The following DNAJC12 variants were observed in gnomAD, a reference collection of about 807,000 sequenced individuals.
DNAJC12 encodes the protein dnaJ homolog subfamily C member 12.
A neutral mutation model predicts 28.5 loss-of-function variants in DNAJC12; 25 were observed. That is an observed-to-expected ratio of 0.88 (90% CI 0.64 to 1.22). The LOEUF (loss-of-function observed/expected upper bound fraction) is 1.22, where lower values mean the gene tolerates loss of function less well. Ranked by LOEUF, DNAJC12 falls within the 50% of genes most tolerant of loss-of-function variation. The pLI is 0.00. For missense variants in DNAJC12, 222 were observed against 231.7 expected, an observed-to-expected ratio of 0.96 and a Z score of 0.27; for synonymous variants, 77 against 80.6, an observed-to-expected ratio of 0.95 and a Z score of 0.24.
chr10:67,809,217 C>G (rs1480918258), intron 3 of DNAJC12, among the ~76,000 whole-genome samples: 2 of 152,042 alleles, frequency 1.3e-5, no homozygotes, highest in Admixed American at 1.3e-4. Flanking sequence ...CTTCTTTTTC[C>G]CATAGGCATC....
intron 2 of DNAJC12, among the ~76,000 whole-genome samples, chr10:67,821,516 CA>C (rs893399107): frequency 6.0e-5 from 9 of 149,020 alleles, no homozygotes; most frequent in East Asian, 2.0e-4. Flanking sequence ...AACTCTGTCT[CA>C]AAAAAAAACA....
intron 1 of DNAJC12, among the ~76,000 whole-genome samples, chr10:67,835,316 C>A (rs770799107): frequency 3.9e-5 from 6 of 152,024 alleles, no homozygotes; most frequent in Non-Finnish European, 5.9e-5. Context: ...GGCAATCTAT[C>A]CAATACAAAT....
chr10:67,822,942 A>G (rs552948621), intron 2 of DNAJC12, among the ~76,000 whole-genome samples: 24 of 151,986 alleles, frequency 1.6e-4, no homozygotes, highest in Middle Eastern at 6.8e-3. Context: ...TTGCAGTGAG[A>G]CATGATCGCA....
chr10:67,834,100 A>C (rs1314611182), intron 1 of DNAJC12: 12 of 456,546 alleles, frequency 2.6e-5, no homozygotes, highest in Non-Finnish European at 5.4e-5. Flanking sequence ...TAAATGTATG[A>C]TGAATTTTAA....
chr10:67,817,762 C>T lies in DNAJC12; in HGVS notation c.157+5552G>A, dbSNP rs143865695. 4.0e-3 allele frequency among the ~76,000 whole-genome samples: 612 copies of T among 151,920 alleles called. 7 individuals are homozygous for T. Among genetic ancestry groups the T allele is most frequent in the African/African-American group, 0.014 (584 of 41,412 alleles). On this transcript the variant is annotated intron_variant, in intron 2 of 4. Transcript: ENST00000225171. ...GCGTGGTGGCACACACTTATAGCTC[C>T]GGCTACTCAAGAGGCTGAGGCAAGA...
chr10:67,819,846 A>T (rs1564863677), intron 2 of DNAJC12, among the ~76,000 whole-genome samples: 2 of 149,892 alleles, frequency 1.3e-5, no homozygotes, highest in Admixed American at 6.7e-5. Context: ...TATTCAAGAA[A>T]TTGTGCAGAA....
intron 4 of DNAJC12, among the ~76,000 whole-genome samples, chr10:67,798,617 G>A (rs2131785087): frequency 6.6e-6 from 1 of 152,242 alleles, no homozygotes; most frequent in African/African-American, 2.4e-5. Flanking sequence ...CAGAGGGGGA[G>A]GTTGCAGTGA....
At chr10:67,819,377 G>A (rs1011975703) in intron 2 of DNAJC12, among the ~76,000 whole-genome samples, 3 of 151,890 alleles carry the variant, frequency 2.0e-5, no homozygotes, top group African/African-American at 7.3e-5. Flanking sequence ...GGTGGCACAT[G>A]CCTGTAATCC....
Position 67,797,092 on chromosome 10 carries a change from C to T in DNAJC12, c.*24G>A, listed in dbSNP as rs1321715354. On this transcript the variant is annotated 3_prime_UTR_variant, in exon 5 of 5. Coordinates refer to ENST00000225171, the MANE Select transcript of DNAJC12 (RefSeq NM_021800.3). ...AGCATAGGGGACAGTCTTGCTCTTC[C>T]TCATTTTTTGAAGCAGAGATATTTC... is the stretch of plus-strand genomic sequence containing the variant. 2 of 1,591,812 alleles carry T rather than the reference C, an allele frequency of 1.3e-6. No individual in the cohort carries two copies. Among genetic ancestry groups the T allele is most frequent in the Non-Finnish European group, 1.7e-6 (2 of 1,161,646 alleles).
intron 1 of DNAJC12, among the ~76,000 whole-genome samples, chr10:67,829,599 C>A (rs1842072969): frequency 1.3e-5 from 2 of 152,042 alleles, no homozygotes; most frequent in Admixed American, 6.6e-5. Flanking sequence ...CGAGATTGCG[C>A]CACTGTACTC....
chr10:67,799,381 T>G (rs1009749182), intron 4 of DNAJC12, among the ~76,000 whole-genome samples: 4 of 152,206 alleles, frequency 2.6e-5, no homozygotes, highest in Non-Finnish European at 4.4e-5. Flanking sequence ...TTGTTTCTGA[T>G]TGCTATAATT....
chr10:67,826,829 T>TTAG (rs1277412310), intron 1 of DNAJC12, among the ~76,000 whole-genome samples: 3 of 131,316 alleles, frequency 2.3e-5, no homozygotes, highest in South Asian at 2.2e-4. Context: ...ATATATATCA[T>TTAG]ATATAAGATA....
intron 2 of DNAJC12, among the ~76,000 whole-genome samples, chr10:67,812,128 G>A (rs1454097076): frequency 6.6e-6 from 1 of 151,238 alleles, no homozygotes; most frequent in East Asian, 2.0e-4. Context: ...CATGACTGAG[G>A]CACAATACAG....
intron 2 of DNAJC12, chr10:67,816,192 A>C (rs914978866): frequency 7.5e-6 from 3 of 397,682 alleles, no homozygotes; most frequent in African/African-American, 6.2e-5. Context: ...GTATTACAAC[A>C]GTCACATTTT....
At chr10:67,805,556 A>G in intron 4 of DNAJC12, 27 bp downstream of exon 4, 2 of 1,579,220 alleles carry the variant, frequency 1.3e-6, no homozygotes, top group Non-Finnish European at 8.6e-7. Context: ...GACCTTCTCC[A>G]TTCTGCAGTT....
At chr10:67,830,618 T>TA (rs768329205) in intron 1 of DNAJC12, among the ~76,000 whole-genome samples, 1 of 79,170 alleles carries the variant, frequency 1.3e-5, no homozygotes. Context: ...AAAAAATAAA[T>TA]AAATAAATAA....
intron 4 of DNAJC12, among the ~76,000 whole-genome samples, chr10:67,803,489 T>C (rs1841768661): frequency 6.6e-6 from 1 of 152,246 alleles, no homozygotes; most frequent in South Asian, 2.1e-4. Context: ...TTCTTTGAAT[T>C]TTTTAACAGC....
intron 1 of DNAJC12, among the ~76,000 whole-genome samples, chr10:67,831,474 G>A (rs544095542): frequency 6.6e-6 from 1 of 152,212 alleles, no homozygotes; most frequent in Admixed American, 6.5e-5. Context: ...GTGTGCCATG[G>A]AGACTAATCC....
chr10:67,829,151 G>T (rs982518895), intron 1 of DNAJC12, among the ~76,000 whole-genome samples: 8 of 152,082 alleles, frequency 5.3e-5, no homozygotes, highest in African/African-American at 1.9e-4. Flanking sequence ...CTCGGGCGGG[G>T]TATGCCTACA....
Sources: allele counts gnomAD v4.1 joint callset (sites outside exome capture counted in the v4.1 genomes callset), GRCh38; gene constraint gnomAD v4.1.1; transcripts MANE v1.5; gene names NCBI Gene and HGNC (gene_info 2026-07-23, HGNC 2026-07-21).